The following GOLIM4 variants were observed in gnomAD, a reference collection of about 807,000 sequenced individuals.
GOLIM4 encodes golgi integral membrane protein 4, also known as 130 kDa golgi-localized phosphoprotein.
A neutral mutation model predicts 107.4 loss-of-function variants in GOLIM4; 71 were observed. That is an observed-to-expected ratio of 0.66 (90% CI 0.55 to 0.81). The LOEUF (loss-of-function observed/expected upper bound fraction) is 0.81. Ranked by LOEUF, GOLIM4 falls within the 30% of genes least tolerant of loss-of-function variation. GOLIM4 has a pLI of 0.00. For missense variants in GOLIM4, 830 were observed against 826.1 expected (o/e 1.00, Z -0.06); for synonymous variants, 327 against 294.8 (o/e 1.11, Z -1.12).
chr3:168,091,989 G>A (rs935030282), intron 1 of GOLIM4, among the ~76,000 whole-genome samples: 1 of 152,156 alleles, frequency 6.6e-6, no homozygotes, highest in Non-Finnish European at 1.5e-5. Context: ...AACCTTGGCT[G>A]CACACAGGAA....
intron 11 of GOLIM4, among the ~76,000 whole-genome samples, chr3:168,028,896 T>G (rs1446191919): frequency 6.6e-6 from 1 of 152,206 alleles, no homozygotes; most frequent in African/African-American, 2.4e-5. Flanking sequence ...GGCAATGATG[T>G]GAGGACTTCC....
intron 1 of GOLIM4, among the ~76,000 whole-genome samples, chr3:168,057,111 A>G (rs1227250089): frequency 2.0e-5 from 3 of 152,244 alleles, no homozygotes. Context: ...ATGACGGTGA[A>G]TAAGTCTAAC....
chr3:168,066,507 T>C (rs952812507), intron 1 of GOLIM4, among the ~76,000 whole-genome samples: 2 of 152,180 alleles, frequency 1.3e-5, no homozygotes, highest in Non-Finnish European at 2.9e-5. Context: ...GAACAGTTAT[T>C]CCACTAAAGA....
At chr3:168,056,819 T>C (rs184181670) in intron 1 of GOLIM4, among the ~76,000 whole-genome samples, 1 of 152,354 alleles carries the variant, frequency 6.6e-6, no homozygotes, top group East Asian at 1.9e-4. Context: ...GCTTTTGATT[T>C]TACAACTTCA....
At chr3:168,027,975 T>C in intron 11 of GOLIM4, 138 bp from the exon 12 acceptor site, 1 of 642,280 alleles carries the variant, frequency 1.6e-6, no homozygotes, top group Non-Finnish European at 2.8e-6. Context: ...AAGGCCTATG[T>C]CCTGGCTTTT....
chr3:168,036,362 G>A (rs773328118), intron 8 of GOLIM4, among the ~76,000 whole-genome samples: 22 of 152,124 alleles, frequency 1.4e-4, no homozygotes, highest in Non-Finnish European at 2.9e-4. Context: ...CCAACATAGC[G>A]AAACCCTGTC....
At chr3:168,053,173 C>T (rs751813681) in intron 1 of GOLIM4, among the ~76,000 whole-genome samples, 10 of 152,180 alleles carry the variant, frequency 6.6e-5, no homozygotes, top group Admixed American at 2.0e-4. Flanking sequence ...GAAAGTCACA[C>T]GAGAAATCAG....
chr3:168,066,518 T>A lies in GOLIM4; in HGVS notation c.188-18153A>T, dbSNP rs529284050. Among the ~76,000 whole-genome samples the A allele has an allele frequency of 1.4e-3, 212 of 152,272 alleles. 1 individual carries two copies. The highest frequency in any genetic ancestry group is 5.1e-3 in the African/African-American group (210 of 41,570). On this transcript the variant is annotated intron_variant, in intron 1 of 15. Coordinates refer to ENST00000470487, the MANE Select transcript of GOLIM4 (RefSeq NM_014498.5). ...GGGAGAACAGTTATTCCACTAAAGATCTTGGTTCTATCTTTTATCACCTTG... is the reference window on the plus strand; with the variant it reads ...GGGAGAACAGTTATTCCACTAAAGAACTTGGTTCTATCTTTTATCACCTTG...
chr3:168,012,091 G>A (rs1432279863), intron 14 of GOLIM4, among the ~76,000 whole-genome samples: 4 of 124,510 alleles, frequency 3.2e-5, no homozygotes, highest in African/African-American at 2.1e-4. Context: ...AAATTACTCT[G>A]AGCTACGGGA....
At chr3:168,074,841 G>A (rs1490677668) in intron 1 of GOLIM4, among the ~76,000 whole-genome samples, 2 of 152,112 alleles carry the variant, frequency 1.3e-5, no homozygotes, top group Non-Finnish European at 2.9e-5. Flanking sequence ...TTATCCATGT[G>A]GCCCACATCA....
intron 9 of GOLIM4, among the ~76,000 whole-genome samples, chr3:168,030,648 A>G (rs976241894): frequency 1.3e-5 from 2 of 152,068 alleles, no homozygotes; most frequent in Non-Finnish European, 2.9e-5. Context: ...AATTCTTAAA[A>G]CTCTGCTTCC....
chr3:168,069,773 CT>C (rs1242593316), intron 1 of GOLIM4, among the ~76,000 whole-genome samples: 2 of 98,962 alleles, frequency 2.0e-5, no homozygotes, highest in Non-Finnish European at 4.2e-5. Flanking sequence ...ATAAAAATGC[CT>C]GTTAAAAATA....
intron 1 of GOLIM4, among the ~76,000 whole-genome samples, chr3:168,094,831 G>A (rs1356035025): frequency 6.6e-6 from 1 of 152,212 alleles, no homozygotes; most frequent in African/African-American, 2.4e-5. Context: ...AGGACTATCT[G>A]TGCACCCGCC....
chr3:168,038,764 C>T (rs1286912764), intron 7 of GOLIM4, among the ~76,000 whole-genome samples: 1 of 152,144 alleles, frequency 6.6e-6, no homozygotes, highest in African/African-American at 2.4e-5. Flanking sequence ...AGTCTTAATA[C>T]AGTATTACAG....
At chr3:168,033,475 C>T (rs986876074) in intron 8 of GOLIM4, among the ~76,000 whole-genome samples, 1 of 151,386 alleles carries the variant, frequency 6.6e-6, no homozygotes, top group African/African-American at 2.4e-5. Flanking sequence ...GGCGTGGTGG[C>T]GGGCGCCTGT....
At chr3:168,040,550 G>A (rs181347797) in intron 7 of GOLIM4, among the ~76,000 whole-genome samples, 123 of 152,252 alleles carry the variant, frequency 8.1e-4, no homozygotes, top group Non-Finnish European at 1.5e-3. Context: ...CTGCATGTAG[G>A]GACGAGAGTG....
chr3:168,059,321 C>G (rs547809858), intron 1 of GOLIM4, among the ~76,000 whole-genome samples: 1 of 152,340 alleles, frequency 6.6e-6, no homozygotes, highest in African/African-American at 2.4e-5. Flanking sequence ...CTAACTACCA[C>G]TGTCTTCTCC....
intron 9 of GOLIM4, among the ~76,000 whole-genome samples, chr3:168,032,222 C>T (rs545579050): frequency 2.6e-5 from 4 of 152,318 alleles, no homozygotes; most frequent in Admixed American, 1.3e-4. Context: ...CCATCAGGTA[C>T]TCACCTGTTC....
Position 168,044,862 on chromosome 3 carries a change from T to C in GOLIM4, c.332A>G (p.Tyr111Cys). 1 of 1,560,346 alleles carries C rather than the reference T, an allele frequency of 6.4e-7. No homozygotes were observed. The highest frequency in any genetic ancestry group is 8.7e-7 in the Non-Finnish European group (1 of 1,150,412). ...NKGRQDSNSR[Y>C]SALNVQHQML... is the part of the protein sequence containing the mutation. ...CTGATGTTGGACATTCAGTGCACTG[T>C]ATCTGCTATTGGAATCTTGCTGTAA... Residue 111 changes from tyrosine to cysteine, a missense_variant, in exon 4 of 16, where the codon TAC becomes TGC. By Grantham distance (194) the Tyr-to-Cys change is radical (BLOSUM62 -2). Transcript: ENST00000470487.
Sources: gnomAD v4.1 joint callset for allele counts (sites outside exome capture counted in the v4.1 genomes callset) on GRCh38, gnomAD v4.1.1 for gene constraint, MANE v1.5 for transcripts, NCBI Gene and HGNC (gene_info 2026-07-23, HGNC 2026-07-21) for gene names.